DYM: variants seen among roughly 807,000 people sequenced by gnomAD.
The protein encoded by DYM is dymeclin.
A neutral mutation model predicts 93.1 loss-of-function variants in DYM; 78 were observed. The observed-to-expected ratio is 0.84, with a 90% CI of 0.70 to 1.01. The LOEUF (loss-of-function observed/expected upper bound fraction) is 1.01. DYM is among the 50% of genes least tolerant of loss of function. The pLI is 0.00. For synonymous variants in DYM, 321 were observed against 319.7 expected, an observed-to-expected ratio of 1.00 and a Z score of -0.04; for missense variants, 789 against 845.0, an observed-to-expected ratio of 0.93 and a Z score of 0.82.
At chr18:49,363,468 T>C (rs550464629) in intron 5 of DYM, among the ~76,000 whole-genome samples, 111 of 152,340 alleles carry the variant, frequency 7.3e-4, no homozygotes, top group African/African-American at 2.6e-3. Context: ...CTTTTAAAGC[T>C]TGAAGGTACT....
At chr18:49,114,912 G>C (rs1434974552) in intron 16 of DYM, among the ~76,000 whole-genome samples, 1 of 152,166 alleles carries the variant, frequency 6.6e-6, no homozygotes, top group Non-Finnish European at 1.5e-5. Context: ...TAGGTTTGTG[G>C]ATATGATCAG....
rs78846435 is a variant in DYM at position 49,164,090 on chromosome 18, G to A, written c.1626-303C>T. Among the ~76,000 whole-genome samples the A allele has an allele frequency of 0.037, 5,559 of 152,158 alleles. 331 individuals are homozygous for A. Among genetic ancestry groups the A allele is most frequent in the African/African-American group, 0.13 (5,253 of 41,496 alleles). ...GGGAAAAGAATAGTGGCAAAAACCTGAGATGTAGACTATGACTAACTCATA... is the reference window on the plus strand; with the variant it reads ...GGGAAAAGAATAGTGGCAAAAACCTAAGATGTAGACTATGACTAACTCATA... On this transcript the variant is annotated intron_variant, in intron 14 of 17. Coordinates refer to ENST00000675505, the MANE Select transcript of DYM (RefSeq NM_001353214.3).
At chr18:49,120,078 C>CAAAAAAAAAAAAAAAAAGAA (rs2082244462) in intron 15 of DYM, among the ~76,000 whole-genome samples, 3 of 56,114 alleles carry the variant, frequency 5.3e-5, no homozygotes, top group Non-Finnish European at 1.2e-4. Flanking sequence ...GATCCTGTCT[C>CAAAAAAAAAAAAAAAAAGAA]AAAAAAAAAA....
intron 15 of DYM, among the ~76,000 whole-genome samples, chr18:49,120,163 C>T (rs2082262925): frequency 6.6e-6 from 1 of 150,466 alleles, no homozygotes; most frequent in Non-Finnish European, 1.5e-5. Flanking sequence ...AAAAAAATTT[C>T]CATACAGGAA....
chr18:49,433,007 G>A (rs551830674), intron 1 of DYM, among the ~76,000 whole-genome samples: 8 of 152,218 alleles, frequency 5.3e-5, no homozygotes, highest in Non-Finnish European at 1.0e-4. Flanking sequence ...AGACCTCCCA[G>A]GAACCTACAA....
chr18:49,292,693 C>T (rs1389199976), intron 8 of DYM, among the ~76,000 whole-genome samples: 7 of 147,514 alleles, frequency 4.7e-5, no homozygotes, highest in Non-Finnish European at 7.5e-5. Flanking sequence ...GTTCCAAAAA[C>T]CAAATTCAGG....
At chr18:49,156,353 G>A (rs527475219) in intron 15 of DYM, among the ~76,000 whole-genome samples, 1 of 152,106 alleles carries the variant, frequency 6.6e-6, no homozygotes, top group Admixed American at 6.5e-5. Flanking sequence ...TCTCCCACTG[G>A]GTCTCCTGCA....
At chr18:49,454,356 G>A (rs1377181745) in intron 1 of DYM, among the ~76,000 whole-genome samples, 1 of 152,182 alleles carries the variant, frequency 6.6e-6, no homozygotes, top group Non-Finnish European at 1.5e-5. Flanking sequence ...TGCAAGCTGG[G>A]AGCTTGCACA....
chr18:49,382,399 A>G (rs1303923787), intron 3 of DYM, among the ~76,000 whole-genome samples: 3 of 152,254 alleles, frequency 2.0e-5, no homozygotes, highest in Non-Finnish European at 4.4e-5. Context: ...TAGGGCAATA[A>G]GTTAATAAAA....
chr18:49,433,114 G>C (rs1464154214), intron 1 of DYM, among the ~76,000 whole-genome samples: 1 of 152,170 alleles, frequency 6.6e-6, no homozygotes, highest in Non-Finnish European at 1.5e-5. Context: ...CAGTGGTATA[G>C]AGAATCACAG....
intron 17 of DYM, among the ~76,000 whole-genome samples, chr18:49,051,171 T>C (rs1227694488): frequency 6.6e-6 from 1 of 152,180 alleles, no homozygotes; most frequent in African/African-American, 2.4e-5. Flanking sequence ...CACTAGGTTT[T>C]CATGTCTTTC....
chr18:49,056,893 C>T (rs1407547434), intron 17 of DYM, among the ~76,000 whole-genome samples: 2 of 152,172 alleles, frequency 1.3e-5, no homozygotes, highest in Non-Finnish European at 2.9e-5. Context: ...GTTTTTGCCA[C>T]ATTGTCCAGG....
chr18:49,329,811 T>C (rs2146782594), intron 8 of DYM: 1 of 152,352 alleles, frequency 6.6e-6, no homozygotes, highest in South Asian at 2.1e-4. Context: ...CAAAAATGAA[T>C]ATAATCCAAA....
chr18:49,413,988 C>T (rs2072605904), intron 2 of DYM, among the ~76,000 whole-genome samples: 1 of 151,676 alleles, frequency 6.6e-6, no homozygotes. Context: ...CCAGCCTGGA[C>T]AACAGAGAGA....
rs1417737878 is a variant in DYM at position 49,037,517 on chromosome 18, C to T, written c.*6538G>A. Among the ~76,000 whole-genome samples the T allele has an allele frequency of 6.6e-6, 1 of 152,076 alleles. No homozygotes were observed. The highest frequency in any genetic ancestry group is 1.5e-5 in the Non-Finnish European group (1 of 68,012). On this transcript the variant is annotated 3_prime_UTR_variant, in exon 18 of 18. Coordinates refer to ENST00000675505, the MANE Select transcript of DYM (RefSeq NM_001353214.3). ...CTGGGTGACAGGATCATTAGGAGCCCAAACCTCAGCATCATCAATATATTC... is the reference window on the plus strand; with the variant it reads ...CTGGGTGACAGGATCATTAGGAGCCTAAACCTCAGCATCATCAATATATTC...
intron 17 of DYM, among the ~76,000 whole-genome samples, chr18:49,054,800 C>G (rs1269161406): frequency 2.0e-5 from 3 of 152,130 alleles, no homozygotes; most frequent in Non-Finnish European, 2.9e-5. Context: ...AATGGTTTCA[C>G]CACTGTGGAG....
chr18:49,142,452 A>G (rs1380970616), intron 15 of DYM, among the ~76,000 whole-genome samples: 3 of 152,230 alleles, frequency 2.0e-5, no homozygotes, highest in African/African-American at 4.8e-5. Flanking sequence ...TGATTTACCA[A>G]TGACTTAAGA....
rs1214860184 is a variant in DYM, at chr18:49,331,942, G to A, written c.685C>T (p.Pro229Ser). 4 of 1,613,972 alleles carry A rather than the reference G, an allele frequency of 2.5e-6. No individual in the cohort carries two copies. The African/African-American group carries it at 4.0e-5, about 16-fold the overall frequency. ...LYNFIRQEKP[P>S]PPGAHVFPQQ... is the part of the protein sequence containing the mutation. The stretch of plus-strand genomic sequence containing the variant: ...GGGAAAACATGGGCCCCTGGAGGAG[G>A]TGGCTTTTCTTGTCTGATAAAGTTA... The change falls in exon 8 of 18, where the codon CCT becomes TCT. Residue 229 changes from proline (P) to serine (S), a missense_variant. Pro to Ser is a moderately conservative substitution (Grantham distance 74). Coordinates refer to ENST00000675505, the MANE Select transcript of DYM (RefSeq NM_001353214.3).
In DYM at chr18:49,041,163, A is replaced by T. The variant is rs1223022744; in HGVS notation, c.*2892T>A. On this transcript the variant is annotated 3_prime_UTR_variant, in exon 18 of 18. Coordinates refer to ENST00000675505, the MANE Select transcript of DYM (RefSeq NM_001353214.3). ...CCTGCTGCAAGGTTGTTGTTCATAG[A>T]TTGTATGACACCAGCCTCAACGGGT... Among the ~76,000 whole-genome samples, 3 of 152,208 alleles carry T rather than the reference A, an allele frequency of 2.0e-5. No homozygotes were observed. The East Asian group carries it at 5.8e-4, about 29-fold the overall frequency.
Sources: allele counts gnomAD v4.1 joint callset (sites outside exome capture counted in the v4.1 genomes callset), GRCh38; gene constraint gnomAD v4.1.1; transcripts MANE v1.5; gene names NCBI Gene and HGNC (gene_info 2026-07-23, HGNC 2026-07-21).